The following ARHGAP24 variants were observed in gnomAD, a reference collection of about 807,000 sequenced individuals.
ARHGAP24 encodes rho GTPase-activating protein 24.
In ARHGAP24, 50 loss-of-function variants were observed where a neutral mutation model predicts 76.4. The observed-to-expected ratio is 0.65, with a 90% CI of 0.52 to 0.83. The LOEUF (loss-of-function observed/expected upper bound fraction) is 0.83, where lower values mean the gene tolerates loss of function less well. Among genes scored for constraint, ARHGAP24 ranks in the 40% least tolerant of loss-of-function variants. The pLI, the probability that ARHGAP24 is intolerant of heterozygous loss-of-function variation, is 0.00. For synonymous variants in ARHGAP24, 345 were observed against 323.3 expected, an observed-to-expected ratio of 1.07 and a Z score of -0.72; for missense variants, 930 against 914.2, an observed-to-expected ratio of 1.02 and a Z score of -0.22.
intron 2 of ARHGAP24, among the ~76,000 whole-genome samples, chr4:85,627,868 C>T (rs1233211196): frequency 1.3e-5 from 2 of 152,202 alleles, no homozygotes; most frequent in Admixed American, 6.5e-5. Flanking sequence ...GCGTAGGACC[C>T]TCCGAGCCAG....
chr4:85,534,298 G>T (rs1417140918), intron 1 of ARHGAP24, among the ~76,000 whole-genome samples: 1 of 151,272 alleles, frequency 6.6e-6, no homozygotes, highest in East Asian at 1.9e-4. Flanking sequence ...TTTGACACTT[G>T]ATCCTCCCGT....
At chr4:85,991,039 C>T (rs1740289697) in intron 8 of ARHGAP24, 1 of 151,900 alleles carries the variant, frequency 6.6e-6, no homozygotes, top group Non-Finnish European at 1.5e-5. Flanking sequence ...ATGTAAAGAA[C>T]TCATGCAAAA....
At chr4:85,671,682 GTATATT>G (rs1186399742) in intron 2 of ARHGAP24, among the ~76,000 whole-genome samples, 3 of 152,094 alleles carry the variant, frequency 2.0e-5, no homozygotes, top group Non-Finnish European at 2.9e-5. Flanking sequence ...TATGTATCCA[GTATATT>G]TATGTGATTC....
chr4:85,545,160 C>T lies in ARHGAP24; in HGVS notation c.-20-25362C>T, dbSNP rs958839882. On this transcript the variant is annotated intron_variant, in intron 1 of 9. Transcript: ENST00000395184. ...TGTCGCCCAGGCTGGAATGCAATGG[C>T]GCGATCTCTGCTCACTGCAACCTCC... 1.2e-4 allele frequency among the ~76,000 whole-genome samples: 18 copies of T among 151,976 alleles called. No individual in the cohort carries two copies. In the East Asian group the frequency reaches 1.5e-3, roughly 13 times the overall value.
chr4:85,531,285 C>T (rs1725248582), intron 1 of ARHGAP24, among the ~76,000 whole-genome samples: 1 of 152,058 alleles, frequency 6.6e-6, no homozygotes, highest in South Asian at 2.1e-4. Flanking sequence ...TTGTTCACTG[C>T]TCTGTCCCCA....
chr4:85,569,707 C>T (rs1289632336), intron 1 of ARHGAP24, among the ~76,000 whole-genome samples: 1 of 152,186 alleles, frequency 6.6e-6, no homozygotes, highest in Non-Finnish European at 1.5e-5. Context: ...TTTGTTTTCT[C>T]TTAAACTTTT....
At chr4:85,810,655 C>T (rs1007760033) in intron 3 of ARHGAP24, among the ~76,000 whole-genome samples, 7 of 152,148 alleles carry the variant, frequency 4.6e-5, no homozygotes, top group Non-Finnish European at 1.0e-4. Context: ...GCACTCTTCA[C>T]ATGTAGTAAA....
intron 3 of ARHGAP24, among the ~76,000 whole-genome samples, chr4:85,913,694 A>C (rs1735211267): frequency 6.6e-6 from 1 of 152,194 alleles, no homozygotes; most frequent in Admixed American, 6.5e-5. Flanking sequence ...TGTTGAATAA[A>C]TGAATGAATG....
intron 2 of ARHGAP24, among the ~76,000 whole-genome samples, chr4:85,674,052 A>G (rs1009372627): frequency 2.6e-5 from 4 of 152,156 alleles, no homozygotes; most frequent in African/African-American, 4.8e-5. Flanking sequence ...GACTTACCCA[A>G]CAAGTTAGTG....
At chr4:85,866,752 A>T (rs2110184725) in intron 3 of ARHGAP24, among the ~76,000 whole-genome samples, 1 of 152,210 alleles carries the variant, frequency 6.6e-6, no homozygotes, top group African/African-American at 2.4e-5. Flanking sequence ...TGGATTGGCC[A>T]TGGAGACATA....
At chr4:85,655,818 A>AGAG (rs1237643654) in intron 2 of ARHGAP24, among the ~76,000 whole-genome samples, 6 of 35,490 alleles carry the variant, frequency 1.7e-4, no homozygotes, top group South Asian at 7.7e-4. Flanking sequence ...GAGAGAGAGA[A>AGAG]AGAGAGAGAG....
chr4:85,686,287 A>G (rs1258964374), intron 2 of ARHGAP24, among the ~76,000 whole-genome samples: 1 of 152,252 alleles, frequency 6.6e-6, no homozygotes, highest in Non-Finnish European at 1.5e-5. Context: ...TAATGAGCCA[A>G]TATGAAAATA....
chr4:85,724,511 ATATATATATATATATATAGG>A (rs1214968342), intron 3 of ARHGAP24, among the ~76,000 whole-genome samples: 1 of 65,012 alleles, frequency 1.5e-5, no homozygotes, highest in Admixed American at 1.5e-4. Context: ...ATATATATAT[ATATATATATATATATATAGG>A]AATTTTTATT....
At chr4:85,906,266 C>A (rs895230119) in intron 3 of ARHGAP24, among the ~76,000 whole-genome samples, 1 of 152,094 alleles carries the variant, frequency 6.6e-6, no homozygotes, top group African/African-American at 2.4e-5. Context: ...CTCTGTTGTT[C>A]CTTATAGTCA....
intron 1 of ARHGAP24, 81 bp from the exon 2 acceptor site, chr4:85,570,441 T>TTTC: frequency 1.2e-6 from 1 of 848,598 alleles, no homozygotes; most frequent in South Asian, 1.8e-5. Flanking sequence ...CTTTTTTTTT[T>TTTC]TCTGGAGAAG....
chr4:85,689,585 T>C (rs1023987546), intron 2 of ARHGAP24, among the ~76,000 whole-genome samples: 3 of 151,978 alleles, frequency 2.0e-5, no homozygotes, highest in Non-Finnish European at 4.4e-5. Context: ...AACGAGGTTT[T>C]GCCATGTTAC....
intron 2 of ARHGAP24, among the ~76,000 whole-genome samples, chr4:85,610,802 G>A (rs73833367): frequency 0.023 from 3,521 of 152,186 alleles, 135 homozygotes; most frequent in African/African-American, 0.081. Flanking sequence ...GCCTCCTACA[G>A]TAGTGCCTCA....
chr4:85,946,342 A>G (rs1238590729), intron 5 of ARHGAP24, among the ~76,000 whole-genome samples: 1 of 151,602 alleles, frequency 6.6e-6, no homozygotes, highest in Non-Finnish European at 1.5e-5. Context: ...ACTTTTTTCC[A>G]TTTTTATTTA....
intron 2 of ARHGAP24, among the ~76,000 whole-genome samples, chr4:85,701,445 A>C (rs1047107869): frequency 1.5e-4 from 23 of 151,976 alleles, no homozygotes; most frequent in African/African-American, 5.5e-4. Flanking sequence ...AACATTTCCC[A>C]CCCTGAGTAC....
Sources: gnomAD v4.1 joint callset for allele counts (sites outside exome capture counted in the v4.1 genomes callset) on GRCh38, gnomAD v4.1.1 for gene constraint, MANE v1.5 for transcripts, NCBI Gene and HGNC (gene_info 2026-07-23, HGNC 2026-07-21) for gene names.